BFSP2: variants seen among roughly 807,000 people sequenced by gnomAD.
BFSP2 encodes phakinin.
Under a neutral mutation model 44.9 loss-of-function variants are expected in BFSP2, and 38 were observed. That is an observed-to-expected ratio of 0.85 (90% CI 0.65 to 1.11). The LOEUF is 1.11. BFSP2 is among the 50% of genes least tolerant of loss of function. The pLI is 0.00. For missense variants in BFSP2, 525 were observed against 533.0 expected, an observed-to-expected ratio of 0.99 and a Z score of 0.15; for synonymous variants, 197 against 209.9, an observed-to-expected ratio of 0.94 and a Z score of 0.53.
chr3:133,410,083 C>G (rs940757327), intron 1 of BFSP2: 1 of 188,052 alleles, frequency 5.3e-6, no homozygotes, highest in Non-Finnish European at 1.2e-5. Context: ...AAACTACTAG[C>G]AAGGAAGATA....
In BFSP2 at chr3:133,441,250, G is replaced by A. The variant is rs148139780; in HGVS notation, c.490-6067G>A. ...TGGGTTTTGCCATGTTGGCCAGGCT[G>A]GTCTCGAACTCCTGACCTCAGGTGA... On this transcript the variant is annotated intron_variant, in intron 1 of 6. Transcript: ENST00000302334. Among the ~76,000 whole-genome samples the A allele has an allele frequency of 4.7e-3, 721 of 152,136 alleles. 3 individuals carry two copies. The highest frequency in any genetic ancestry group is 0.017 in the African/African-American group (702 of 41,504).
intron 1 of BFSP2, among the ~76,000 whole-genome samples, chr3:133,413,875 C>T (rs2073479146): frequency 6.6e-6 from 1 of 151,964 alleles, no homozygotes; most frequent in South Asian, 2.1e-4. Flanking sequence ...AACTAAATAA[C>T]ACTACAGTGT....
At chr3:133,451,101 ACT>A (rs796664009) in intron 4 of BFSP2, among the ~76,000 whole-genome samples, 34 of 115,512 alleles carry the variant, frequency 2.9e-4, no homozygotes, top group African/African-American at 1.1e-3. Flanking sequence ...ACAGAGCAAG[ACT>A]CTGTCTCAAA....
At chr3:133,438,860 G>A (rs2073817467) in intron 1 of BFSP2, among the ~76,000 whole-genome samples, 1 of 152,130 alleles carries the variant, frequency 6.6e-6, no homozygotes. Flanking sequence ...GAGGGATGGG[G>A]GGGTCATTAT....
intron 1 of BFSP2, among the ~76,000 whole-genome samples, chr3:133,434,446 C>A (rs1454715633): frequency 6.6e-6 from 1 of 152,108 alleles, no homozygotes; most frequent in Non-Finnish European, 1.5e-5. Context: ...CGCCCATTCT[C>A]TCTCTCCATA....
intron 1 of BFSP2, among the ~76,000 whole-genome samples, chr3:133,436,233 C>T (rs980093638): frequency 7.1e-6 from 1 of 141,410 alleles, no homozygotes; most frequent in African/African-American, 2.7e-5. Context: ...GACTGAGGCA[C>T]AAGAATACCT....
At position 133,424,218 on chromosome 3, in the gene BFSP2, T is replaced by TGTGTGTGTG. The variant is rs1473665826; in HGVS notation, c.490-23099_490-23098insGTGTGTGTG. On this transcript the variant is annotated intron_variant, in intron 1 of 6. Coordinates refer to ENST00000302334, the MANE Select transcript of BFSP2 (RefSeq NM_003571.4). ...CTACCACCGCGTCCAGCTAATTTTT[T>TGTGTGTGTG]TTTTTTTTTTTTTTTTTTTTTTTGT... Among the ~76,000 whole-genome samples the TGTGTGTGTG allele has an allele frequency of 6.2e-4, 40 of 64,752 alleles. 1 individual carries two copies. The highest frequency in any genetic ancestry group is 1.2e-3 in the African/African-American group (22 of 19,032). The allele number at this position is 64,752 out of a possible 152,430, so 42.5% of individuals were successfully genotyped here.
intron 1 of BFSP2, among the ~76,000 whole-genome samples, chr3:133,441,451 CT>C (rs1436138993): frequency 6.6e-6 from 1 of 152,192 alleles, no homozygotes; most frequent in Non-Finnish European, 1.5e-5. Context: ...ATGATTAGGA[CT>C]TGAACCAAGC....
In BFSP2 at chr3:133,463,592, A is replaced by G. The variant is rs141247115; in HGVS notation, c.892-3236A>G. ...TCATTTAAGGCATTCTTCTCTTACC[A>G]GCTAAATGCCCCTAGGAGGTCATAT... On this transcript the variant is annotated intron_variant, in intron 4 of 6. Transcript: ENST00000302334. Among the ~76,000 whole-genome samples, 14 of 152,286 alleles carry G rather than the reference A, an allele frequency of 9.2e-5. 1 individual carries two copies. The highest frequency in any genetic ancestry group is 1.8e-4 in the Non-Finnish European group (12 of 68,002).
intron 1 of BFSP2, among the ~76,000 whole-genome samples, chr3:133,415,386 C>T (rs1260848775): frequency 7.7e-6 from 1 of 130,216 alleles, no homozygotes; most frequent in Non-Finnish European, 1.6e-5. Flanking sequence ...GCCCTCTCCC[C>T]TCCACAAACC....
intron 1 of BFSP2, chr3:133,412,444 G>A (rs771291647): frequency 8.5e-5 from 13 of 152,248 alleles, no homozygotes; most frequent in Non-Finnish European, 1.5e-4. Flanking sequence ...TTACATGAGC[G>A]CGTTGATCAA....
At chr3:133,467,227 C>G (rs1050602815) in intron 5 of BFSP2, among the ~76,000 whole-genome samples, 2 of 152,186 alleles carry the variant, frequency 1.3e-5, no homozygotes, top group African/African-American at 2.4e-5. Flanking sequence ...CCCTTTTCAG[C>G]TGCCCCACTG....
Position 133,450,843 on chromosome 3 carries a change from A to G in BFSP2, c.891+379A>G, listed in dbSNP as rs182914840. Among the ~76,000 whole-genome samples, 911 of 152,270 alleles carry G rather than the reference A, an allele frequency of 6.0e-3. 8 individuals carry two copies. The highest frequency in any genetic ancestry group is 0.02 in the African/African-American group (844 of 41,548). The stretch of plus-strand genomic sequence containing the variant: ...AAGAATAATTGAGGCCGGGCGTGGT[A>G]GCTCACGCCTGTAATCCCAGCACTT... On this transcript the variant is annotated intron_variant, in intron 4 of 6. Coordinates refer to ENST00000302334, the MANE Select transcript of BFSP2 (RefSeq NM_003571.4).
intron 1 of BFSP2, among the ~76,000 whole-genome samples, chr3:133,418,483 T>G (rs1417119484): frequency 6.6e-6 from 1 of 152,124 alleles, no homozygotes; most frequent in Non-Finnish European, 1.5e-5. Context: ...CCAGCGTCCC[T>G]GAGGAGATTG....
At chr3:133,461,491 A>C (rs1318773051) in intron 4 of BFSP2, among the ~76,000 whole-genome samples, 1 of 152,160 alleles carries the variant, frequency 6.6e-6, no homozygotes, top group East Asian at 1.9e-4. Flanking sequence ...TAACAACTGC[A>C]CCGGGCAACA....
At chr3:133,413,525 G>T (rs1170740167) in intron 1 of BFSP2, among the ~76,000 whole-genome samples, 1 of 152,214 alleles carries the variant, frequency 6.6e-6, no homozygotes, top group African/African-American at 2.4e-5. Flanking sequence ...CAAGCAGAAT[G>T]TTACTCAGGG....
chr3:133,431,234 G>A (rs1464581980), intron 1 of BFSP2, among the ~76,000 whole-genome samples: 1 of 152,064 alleles, frequency 6.6e-6, no homozygotes, highest in Non-Finnish European at 1.5e-5. Flanking sequence ...CCCACAACAG[G>A]ATTTAATTAA....
chr3:133,411,867 A>G (rs2073457214), intron 1 of BFSP2, among the ~76,000 whole-genome samples: 1 of 152,218 alleles, frequency 6.6e-6, no homozygotes, highest in Admixed American at 6.5e-5. Context: ...GGTAAGAGAA[A>G]TCTATACAGT....
chr3:133,467,835 A>G (rs953844670), intron 5 of BFSP2, among the ~76,000 whole-genome samples: 18 of 152,236 alleles, frequency 1.2e-4, no homozygotes, highest in African/African-American at 2.9e-4. Flanking sequence ...CCTGGAGTCA[A>G]TGAGGCGCAT....
Sources: gnomAD v4.1 joint callset for allele counts (sites outside exome capture counted in the v4.1 genomes callset) on GRCh38, gnomAD v4.1.1 for gene constraint, MANE v1.5 for transcripts, NCBI Gene and HGNC (gene_info 2026-07-23, HGNC 2026-07-21) for gene names.